The following CUX2 variants were observed in gnomAD, a reference collection of about 807,000 sequenced individuals.
CUX2 encodes the protein homeobox protein cut-like 2.
Under a neutral mutation model 144.8 loss-of-function variants are expected in CUX2, and 40 were observed. The observed-to-expected ratio is 0.28, with a 90% CI of 0.21 to 0.36. The LOEUF (loss-of-function observed/expected upper bound fraction) is 0.36. Ranked by LOEUF, CUX2 falls within the 10% of genes least tolerant of loss-of-function variation. The pLI, the probability that CUX2 is intolerant of heterozygous loss-of-function variation, is 1.00. For missense variants in CUX2, 1,615 were observed against 1,994.0 expected (o/e 0.81, Z 3.62); for synonymous variants, 827 against 875.6 (o/e 0.94, Z 0.98).
rs1887949182 is a variant in CUX2, at chr12:111,328,941, A to ATCTCTCCCTCTC, written c.2927-5494_2927-5493insCCTCTCTCTCTC. 7.7e-3 allele frequency among the ~76,000 whole-genome samples: 222 copies of ATCTCTCCCTCTC among 28,988 alleles called. 8 individuals carry two copies. The highest frequency in any genetic ancestry group is 0.056 in the African/African-American group (211 of 3,772). The allele number at this position is 28,988 out of a possible 152,430, so 19.0% of individuals were successfully genotyped here. A position where few individuals can be genotyped will look rare whatever the true frequency, so the allele number is the denominator to read the frequency against. ...CACTCTGCATTTTTTTGATTCACCT[A>ATCTCTCCCTCTC]TCTCTCTCTCTCTCTCTCTCTCTCT... On this transcript the variant is annotated intron_variant, in intron 18 of 21. Transcript: ENST00000261726.
intron 1 of CUX2, among the ~76,000 whole-genome samples, chr12:111,204,380 G>C (rs1880787682): frequency 6.6e-6 from 1 of 152,146 alleles, no homozygotes; most frequent in African/African-American, 2.4e-5. Context: ...GCAGGACCTG[G>C]GTCTGTCTTG....
chr12:111,226,257 T>G (rs4766558), intron 3 of CUX2, among the ~76,000 whole-genome samples: 46,466 of 152,104 alleles, frequency 0.31, 8,375 homozygotes, highest in East Asian at 0.64. Flanking sequence ...CCATCCTCCC[T>G]CCTCTTTGAT....
rs775625446 is a variant in CUX2 at position 111,338,145 on chromosome 12, C to T, written c.3197-141C>T. 9.6e-4 allele frequency: 811 copies of T among 843,642 alleles called. 1 individual carries two copies. Among genetic ancestry groups the T allele is most frequent in the Non-Finnish European group, 1.2e-3 (674 of 570,740 alleles). The allele number at this position is 843,642 out of a possible 1,614,324, so 52.3% of individuals were successfully genotyped here. ...TTCACATCAGGTGTGGGTCCTCCGCCGTCTCTGGCCCTCCCTTCGGAGTCA... is the reference window on the plus strand; with the variant it reads ...TTCACATCAGGTGTGGGTCCTCCGCTGTCTCTGGCCCTCCCTTCGGAGTCA... On this transcript the variant is annotated intron_variant, in intron 19 of 21. Transcript: ENST00000261726.
At position 111,255,833 on chromosome 12, in the gene CUX2, T is replaced by G. The variant is rs1200162787; in HGVS notation, c.223-7928T>G. On this transcript the variant is annotated intron_variant, in intron 3 of 21. Coordinates refer to ENST00000261726, the MANE Select transcript of CUX2 (RefSeq NM_015267.4). This position sits in a 1 kb window ranked among gnomAD's most constrained non-coding sequence, Gnocchi z 4.1. Reference sequence around the variant, plus strand: ...ATCGAAGTAGCTGTTACCCCCATTTTCCGGGTGGTAGGAAATCAGAAGGGT... The same window carrying G: ...ATCGAAGTAGCTGTTACCCCCATTTGCCGGGTGGTAGGAAATCAGAAGGGT... Among the ~76,000 whole-genome samples, 1 of 152,196 alleles carries G rather than the reference T, an allele frequency of 6.6e-6. No individual in the cohort carries two copies. The highest frequency in any genetic ancestry group is 2.4e-5 in the African/African-American group (1 of 41,432).
chr12:111,034,329 G>A lies in CUX2; in HGVS notation c.63+89G>A, dbSNP rs1869304398. On this transcript the variant is annotated intron_variant, in intron 1 of 21. Transcript: ENST00000261726. This position sits in a 1 kb window ranked among gnomAD's most constrained non-coding sequence, Gnocchi z 4.2. ...GGGGAGGTCCCCGGGCGGGCAGGCG[G>A]ACGCCCTGGGGCGGCGGGCGGCGGC... The A allele has an allele frequency of 2.6e-6, 2 of 775,482 alleles. No homozygotes were observed. Among genetic ancestry groups the A allele is most frequent in the Non-Finnish European group, 3.2e-6 (2 of 624,900 alleles). 48.0% of individuals were successfully genotyped at this position (775,482 alleles called of 1,614,324 possible).
chr12:111,150,679 G>A (rs564332310), intron 1 of CUX2, among the ~76,000 whole-genome samples: 7 of 142,576 alleles, frequency 4.9e-5, no homozygotes, highest in South Asian at 4.5e-4. Context: ...AGCAACCAGC[G>A]CCTATTTCTG....
chr12:111,305,711 G>C (rs1433235169), intron 10 of CUX2, among the ~76,000 whole-genome samples: 1 of 152,042 alleles, frequency 6.6e-6, no homozygotes, highest in African/African-American at 2.4e-5. Flanking sequence ...ATGGTGCTTG[G>C]GTCATTGTAT....
Position 111,186,771 on chromosome 12 carries a change from G to C in CUX2, c.64-27429G>C, listed in dbSNP as rs1879558294. Among the ~76,000 whole-genome samples, 2 of 147,016 alleles carry C rather than the reference G, an allele frequency of 1.4e-5. No homozygotes were observed. Among genetic ancestry groups the C allele is most frequent in the Admixed American group, 1.3e-4 (2 of 14,864 alleles). On this transcript the variant is annotated intron_variant, in intron 1 of 21. Transcript: ENST00000261726. The surrounding 1 kb of genome is among the most constrained non-coding windows in gnomAD (Gnocchi z 4.4). ...CATGTGCAGGTATTAAAATCGATATGATGTGTGTATGTTTTTTTTTTTTTT... is the reference window on the plus strand; with the variant it reads ...CATGTGCAGGTATTAAAATCGATATCATGTGTGTATGTTTTTTTTTTTTTT...
At chr12:111,192,641 C>T (rs1007954788) in intron 1 of CUX2, among the ~76,000 whole-genome samples, 6 of 152,206 alleles carry the variant, frequency 3.9e-5, no homozygotes, top group East Asian at 1.9e-4. Context: ...GCAGCCCACC[C>T]GGGGTCTGAC....
chr12:111,198,024 C>T (rs1880347972), intron 1 of CUX2, among the ~76,000 whole-genome samples: 1 of 152,192 alleles, frequency 6.6e-6, no homozygotes, highest in African/African-American at 2.4e-5. Flanking sequence ...TCTCCTTCCC[C>T]ACCCTGGACC....
chr12:111,042,795 G>C (rs1869813662), intron 1 of CUX2, among the ~76,000 whole-genome samples: 1 of 148,952 alleles, frequency 6.7e-6, no homozygotes, highest in Admixed American at 6.7e-5. Flanking sequence ...ACCACGCCTG[G>C]CTTTTTTTTT....
intron 1 of CUX2, among the ~76,000 whole-genome samples, chr12:111,175,797 A>G (rs1038483836): frequency 1.5e-4 from 23 of 151,918 alleles, no homozygotes; most frequent in Non-Finnish European, 3.4e-4. Context: ...GCCGGTTGCA[A>G]TGTTTTTGTT....
At chr12:111,222,413 G>C (rs941838439) in intron 3 of CUX2, among the ~76,000 whole-genome samples, 2 of 152,234 alleles carry the variant, frequency 1.3e-5, no homozygotes, top group African/African-American at 4.8e-5. Flanking sequence ...ACTGTTGGGA[G>C]ATTTTCTTTT....
intron 3 of CUX2, among the ~76,000 whole-genome samples, chr12:111,251,829 G>A (rs1214175953): frequency 6.6e-6 from 1 of 151,940 alleles, no homozygotes; most frequent in Non-Finnish European, 1.5e-5. Context: ...CCAGAGGGGT[G>A]CAGGGGATGT....
At chr12:111,135,173 C>T (rs568193873) in intron 1 of CUX2, among the ~76,000 whole-genome samples, 6 of 150,146 alleles carry the variant, frequency 4.0e-5, no homozygotes, top group South Asian at 2.1e-4. Flanking sequence ...GTGTGTGGTC[C>T]GTCCACAGTG....
intron 1 of CUX2, among the ~76,000 whole-genome samples, chr12:111,113,917 A>G (rs575338348): frequency 6.6e-6 from 1 of 152,282 alleles, no homozygotes; most frequent in East Asian, 1.9e-4. Context: ...AAGTATCTGT[A>G]GTTTTTTCCT....
chr12:111,198,331 C>A (rs1026267418), intron 1 of CUX2, among the ~76,000 whole-genome samples: 1 of 151,986 alleles, frequency 6.6e-6, no homozygotes, highest in Non-Finnish European at 1.5e-5. Context: ...AAAAATTAGC[C>A]GGGTGTGGTG....
chr12:111,161,689 C>T (rs1410061428), intron 1 of CUX2, among the ~76,000 whole-genome samples: 5 of 152,174 alleles, frequency 3.3e-5, no homozygotes, highest in African/African-American at 1.2e-4. Flanking sequence ...AACCCGTTCT[C>T]TTAGCTCTCA....
chr12:111,121,832 A>G (rs1874715843), intron 1 of CUX2, among the ~76,000 whole-genome samples: 2 of 151,968 alleles, frequency 1.3e-5, no homozygotes, highest in Non-Finnish European at 2.9e-5. Context: ...TCTTGAATGC[A>G]GGGGCATTTG....
Sources: allele counts gnomAD v4.1 joint callset (sites outside exome capture counted in the v4.1 genomes callset), GRCh38; gene constraint gnomAD v4.1.1; non-coding constraint Gnocchi (gnomAD v3.1); transcripts MANE v1.5; gene names NCBI Gene and HGNC (gene_info 2026-07-23, HGNC 2026-07-21).